Variants in WDPCP observed in about 807,000 individuals in gnomAD.
WDPCP encodes the protein WD repeat containing planar cell polarity effector.
In WDPCP, 71 loss-of-function variants were observed where a neutral mutation model predicts 93.1. The observed-to-expected ratio is 0.76, with a 90% CI of 0.63 to 0.93. WDPCP has a LOEUF of 0.93. Ranked by LOEUF, WDPCP falls within the 40% of genes least tolerant of loss-of-function variation. The pLI is 0.00. For synonymous variants in WDPCP, 315 were observed against 315.0 expected, an observed-to-expected ratio of 1.00 and a Z score of 0.00; for missense variants, 844 against 887.4, an observed-to-expected ratio of 0.95 and a Z score of 0.62.
rs1046453130 is a variant in WDPCP at position 63,588,410 on chromosome 2, A to G, written c.-139T>C. On this transcript the variant is annotated 5_prime_UTR_variant, in exon 1 of 18. Transcript: ENST00000272321. The stretch of plus-strand genomic sequence containing the variant: ...TTTCCTCAGGTGCTACAAAGCAGCC[A>G]GGGTGTGCGTGCGCTCCCGCCTCGT... 2 of 1,009,178 alleles carry G rather than the reference A, an allele frequency of 2.0e-6. No individual in the cohort carries two copies. Among genetic ancestry groups the G allele is most frequent in the Non-Finnish European group, 3.1e-6 (2 of 653,194 alleles). 62.5% of individuals were successfully genotyped at this position (1,009,178 alleles called of 1,614,324 possible).
intron 9 of WDPCP, among the ~76,000 whole-genome samples, chr2:63,406,784 A>G (rs1177901498): frequency 2.0e-5 from 3 of 152,188 alleles, no homozygotes; most frequent in African/African-American, 7.2e-5. Context: ...CTGTGTACTC[A>G]TTCCTTTCCT....
At chr2:63,564,302 T>C (rs1479967826) in intron 1 of WDPCP, 1 of 152,254 alleles carries the variant, frequency 6.6e-6, no homozygotes, top group Non-Finnish European at 1.5e-5. Flanking sequence ...TGCTTCGGAA[T>C]TTCACTGTTA....
chr2:63,341,834 T>A (rs531501160), intron 12 of WDPCP, among the ~76,000 whole-genome samples: 141 of 152,368 alleles, frequency 9.3e-4, no homozygotes, highest in Non-Finnish European at 1.7e-3. Context: ...TTATTTTATT[T>A]GTTATTAGTA....
At chr2:63,421,166 C>G (rs542069660) in intron 9 of WDPCP, among the ~76,000 whole-genome samples, 25 of 152,182 alleles carry the variant, frequency 1.6e-4, no homozygotes, top group African/African-American at 5.8e-4. Flanking sequence ...TATTTGTAAT[C>G]GTTTTCAATG....
chr2:63,564,543 T>C lies in WDPCP; in HGVS notation c.75+23654A>G, dbSNP rs374355177. The C allele has an allele frequency of 6.6e-5, 10 of 152,344 alleles. No homozygotes were observed. The East Asian group carries it at 9.6e-4, about 15-fold the overall frequency. The allele number at this position is 152,344 out of a possible 1,614,324, so 9.4% of individuals were successfully genotyped here. On this transcript the variant is annotated intron_variant, in intron 1 of 17. Transcript: ENST00000272321. ...TCTTACGACAGGAAGTGAGTTTTCT[T>C]GTTTCTGTCATCGTGAGTTTGAGTT...
intron 1 of WDPCP, among the ~76,000 whole-genome samples, chr2:63,819,435 T>C (rs1437833086): frequency 1.3e-5 from 2 of 152,180 alleles, no homozygotes; most frequent in Non-Finnish European, 2.9e-5. Context: ...TGGGTTTCCC[T>C]AATAGTCATA....
intron 1 of WDPCP, among the ~76,000 whole-genome samples, chr2:63,814,436 A>G (rs192383525): frequency 1.1e-3 from 172 of 152,264 alleles, no homozygotes; most frequent in Non-Finnish European, 2.4e-4. Context: ...TTTTGCATTC[A>G]TCTTGTGACT....
chr2:63,159,544 T>A (rs558400431), intron 15 of WDPCP, among the ~76,000 whole-genome samples: 3 of 152,366 alleles, frequency 2.0e-5, no homozygotes, highest in African/African-American at 7.2e-5. Context: ...TTTGGTATCC[T>A]GGACATTTTG....
intron 2 of WDPCP, among the ~76,000 whole-genome samples, chr2:63,731,386 T>C (rs184248130): frequency 2.0e-5 from 3 of 152,222 alleles, no homozygotes; most frequent in Admixed American, 2.0e-4. Context: ...ATAACATTAA[T>C]TAACCTATTA....
intron 2 of WDPCP, among the ~76,000 whole-genome samples, chr2:63,728,976 C>A (rs1266609456): frequency 6.6e-6 from 1 of 152,154 alleles, no homozygotes; most frequent in Non-Finnish European, 1.5e-5. Context: ...TAAGAACATA[C>A]ACTGACACTT....
In WDPCP at chr2:63,404,677, G is replaced by C. The variant is rs372778995; in HGVS notation, c.826-20C>G. On this transcript the variant is annotated intron_variant, in intron 9 of 17. Coordinates refer to ENST00000272321, the MANE Select transcript of WDPCP (RefSeq NM_015910.7). ...CAGAACCTGTTAAGAAATATATCAA[G>C]TACATTCAGATAAACTTTGGTTTTT... The C allele has an allele frequency of 5.0e-5, 81 of 1,613,314 alleles. No individual in the cohort carries two copies. Among genetic ancestry groups the C allele is most frequent in the Non-Finnish European group, 6.0e-5 (71 of 1,179,890 alleles).
intron 12 of WDPCP, among the ~76,000 whole-genome samples, chr2:63,350,728 T>G (rs1651068992): frequency 6.6e-6 from 1 of 152,102 alleles, no homozygotes; most frequent in Admixed American, 6.5e-5. Context: ...TTGCTTAGTG[T>G]AGGGATTATG....
At chr2:63,587,027 A>G (rs979587111) in intron 1 of WDPCP, among the ~76,000 whole-genome samples, 2 of 152,250 alleles carry the variant, frequency 1.3e-5, no homozygotes, top group African/African-American at 4.8e-5. Flanking sequence ...AAGGACAACA[A>G]CATGGAAAAA....
chr2:63,810,392 G>A (rs1045232949), intron 2 of WDPCP, among the ~76,000 whole-genome samples: 12 of 152,210 alleles, frequency 7.9e-5, no homozygotes, highest in Non-Finnish European at 2.9e-5. Context: ...AAGTGTTATA[G>A]GTACTAGTAT....
In WDPCP at chr2:63,166,072, A is replaced by T. The variant is rs560555549; in HGVS notation, c.2078+8598T>A. On this transcript the variant is annotated intron_variant, in intron 15 of 17. Transcript: ENST00000272321. ...TTTCTTTTTTTTAATTTTAATTTTA[A>T]TTTTTTTATTTTGAAACGGAGTCTA... is the stretch of plus-strand genomic sequence containing the variant. Among the ~76,000 whole-genome samples the T allele has an allele frequency of 5.3e-5, 8 of 150,836 alleles. No individual in the cohort carries two copies. The East Asian group carries it at 1.6e-3, about 29-fold the overall frequency.
intron 12 of WDPCP, among the ~76,000 whole-genome samples, chr2:63,326,842 G>A (rs1010082749): frequency 6.6e-6 from 1 of 152,170 alleles, no homozygotes; most frequent in Non-Finnish European, 1.5e-5. Context: ...AGAAAAAACA[G>A]TGTACCCTAT....
rs772639117 is a variant in WDPCP at position 63,259,412 on chromosome 2, G to A, written c.1813-3C>T. ...TCTAGTGCAAGGTAATGAATATCCT[G>A]AGGAAATAAAGCAAAATAAAAGATT... On this transcript the variant is annotated splice_region_variant and splice_polypyrimidine_tract_variant and intron_variant, in intron 13 of 17. Transcript: ENST00000272321. 52 of 1,607,986 alleles carry A rather than the reference G, an allele frequency of 3.2e-5. 2 individuals carry two copies. The South Asian group carries it at 5.3e-4, about 16-fold the overall frequency.
At chr2:63,722,326 G>A (rs1286717158) in intron 2 of WDPCP, among the ~76,000 whole-genome samples, 3 of 149,622 alleles carry the variant, frequency 2.0e-5, no homozygotes, top group African/African-American at 7.5e-5. Context: ...GAAGTGAGGA[G>A]CGTCTCTGCC....
intron 17 of WDPCP, among the ~76,000 whole-genome samples, chr2:63,129,388 C>T (rs1215604129): frequency 2.6e-5 from 4 of 152,206 alleles, no homozygotes; most frequent in Non-Finnish European, 4.4e-5. Context: ...ATTTTATATT[C>T]CCACTGGCAA....
Sources: gnomAD v4.1 joint callset for allele counts (sites outside exome capture counted in the v4.1 genomes callset) on GRCh38, gnomAD v4.1.1 for gene constraint, MANE v1.5 for transcripts, NCBI Gene and HGNC (gene_info 2026-07-23, HGNC 2026-07-21) for gene names.